CSMD1: variants seen among roughly 807,000 people sequenced by gnomAD.
CSMD1 encodes CUB and Sushi multiple domains 1, also known as CUB and sushi domain-containing protein 1.
CSMD1 carries 213 observed loss-of-function variants against 417.5 expected under a neutral mutation model. That is an observed-to-expected ratio of 0.51 (90% CI 0.46 to 0.57). The LOEUF is 0.57. CSMD1 is among the 20% of genes least tolerant of loss of function. The probability of loss-of-function intolerance (pLI) is 0.00; values close to 1 mark genes in which losing one functional copy is unlikely to be tolerated. For synonymous variants in CSMD1, 2,862 were observed against 1,736.8 expected (o/e 1.65, Z -16.11); for missense variants, 6,923 against 4,529.7 (o/e 1.53, Z -15.17).
intron 52 of CSMD1, among the ~76,000 whole-genome samples, chr8:3,006,094 G>T (rs939933172): frequency 6.6e-6 from 1 of 150,860 alleles, no homozygotes; most frequent in Non-Finnish European, 1.5e-5. Flanking sequence ...CAAAATCAAT[G>T]TGCAAAAATC....
chr8:4,513,058 T>C (rs953303678), intron 2 of CSMD1, among the ~76,000 whole-genome samples: 11 of 152,170 alleles, frequency 7.2e-5, no homozygotes, highest in Admixed American at 5.2e-4. Flanking sequence ...ATCTGTATGA[T>C]ACTATAAGGA....
rs559199064 is a variant in CSMD1, at chr8:3,929,589, A to G, written c.818+68314T>C. Among the ~76,000 whole-genome samples the G allele has an allele frequency of 5.7e-4, 86 of 150,918 alleles. 1 individual carries two copies. The highest frequency in any genetic ancestry group is 5.2e-3 in the Admixed American group (79 of 15,180). Reference sequence around the variant, plus strand: ...ATGATTTCATGTTATAAGATAAAAAATAAATGTGGCTGCATTATTTTGTCT... The same window carrying G: ...ATGATTTCATGTTATAAGATAAAAAGTAAATGTGGCTGCATTATTTTGTCT... On this transcript the variant is annotated intron_variant, in intron 5 of 69. Transcript: ENST00000635120.
At chr8:3,625,618 T>C (rs548758085) in intron 7 of CSMD1, among the ~76,000 whole-genome samples, 1 of 152,290 alleles carries the variant, frequency 6.6e-6, no homozygotes, top group South Asian at 2.1e-4. Context: ...TTTCAGCTTC[T>C]AATGCTATGT....
chr8:4,707,060 C>T (rs17418446), intron 1 of CSMD1, among the ~76,000 whole-genome samples: 4,363 of 152,230 alleles, frequency 0.029, 75 homozygotes, highest in Non-Finnish European at 0.044. Context: ...GTGATCAGAT[C>T]TGAGATTAGG....
chr8:4,723,115 A>G (rs912469726), intron 1 of CSMD1, among the ~76,000 whole-genome samples: 2 of 152,176 alleles, frequency 1.3e-5, no homozygotes, highest in Admixed American at 6.6e-5. Context: ...TCTGACTTGT[A>G]CACCTAACAC....
At chr8:4,580,005 T>G (rs531364139) in intron 2 of CSMD1, among the ~76,000 whole-genome samples, 1 of 152,364 alleles carries the variant, frequency 6.6e-6, no homozygotes, top group East Asian at 1.9e-4. Context: ...ACCATTTCCA[T>G]GTGAACTGTC....
chr8:3,496,181 T>A (rs879106955), intron 10 of CSMD1, among the ~76,000 whole-genome samples: 1 of 152,176 alleles, frequency 6.6e-6, no homozygotes, highest in Non-Finnish European at 1.5e-5. Flanking sequence ...CTCCTGCCAT[T>A]TTTCTTAAGT....
At chr8:4,947,332 CAGTTAAAATGCATAACTAA>C (rs1482874369) in intron 1 of CSMD1, among the ~76,000 whole-genome samples, 1 of 152,096 alleles carries the variant, frequency 6.6e-6, no homozygotes, top group African/African-American at 2.4e-5. Context: ...GTTCTTCTCC[CAGTTAAAATGCATAACTAA>C]CCAAATTCTC....
In CSMD1 at chr8:3,974,694, G is replaced by C. The variant is rs1813310534; in HGVS notation, c.818+23209C>G. ...CAGCTCTTTTTTTTTTTACATAACA[G>C]AATGAAAATTTTATATAAGATGAAG... On this transcript the variant is annotated intron_variant, in intron 5 of 69. Transcript: ENST00000635120. Among the ~76,000 whole-genome samples, 3 of 150,820 alleles carry C rather than the reference G, an allele frequency of 2.0e-5. No individual in the cohort carries two copies. In the South Asian group the frequency reaches 6.3e-4, roughly 32 times the overall value.
chr8:3,830,987 T>A (rs976037735), intron 5 of CSMD1, among the ~76,000 whole-genome samples: 9 of 152,136 alleles, frequency 5.9e-5, no homozygotes, highest in African/African-American at 2.2e-4. Context: ...TGGTCACCTT[T>A]TCCTTCACCA....
chr8:4,986,929 C>T (rs947451490), intron 1 of CSMD1, among the ~76,000 whole-genome samples: 6 of 152,052 alleles, frequency 3.9e-5, no homozygotes, highest in Admixed American at 1.3e-4. Context: ...AGAGAGATGA[C>T]AGATTGATAG....
At chr8:3,561,407 A>G (rs1585370486) in intron 10 of CSMD1, among the ~76,000 whole-genome samples, 1 of 152,236 alleles carries the variant, frequency 6.6e-6, no homozygotes, top group Admixed American at 6.5e-5. Context: ...GGTTGATCAG[A>G]TAAAGAAAAT....
intron 1 of CSMD1, among the ~76,000 whole-genome samples, chr8:4,827,186 T>C (rs1258284019): frequency 2.0e-5 from 3 of 152,172 alleles, no homozygotes; most frequent in Non-Finnish European, 4.4e-5. Context: ...TGCCATGCAA[T>C]ATAACTGAAA....
intron 68 of CSMD1, among the ~76,000 whole-genome samples, chr8:2,943,614 G>C (rs1802034119): frequency 6.6e-6 from 1 of 152,208 alleles, no homozygotes; most frequent in Non-Finnish European, 1.5e-5. Context: ...CAGGACTATG[G>C]AGTGTCTCAT....
At chr8:3,709,126 C>A (rs531102833) in intron 6 of CSMD1, among the ~76,000 whole-genome samples, 18 of 149,718 alleles carry the variant, frequency 1.2e-4, no homozygotes, top group African/African-American at 2.7e-4. Context: ...TGTACTACGG[C>A]CTGCATTAAA....
intron 2 of CSMD1, among the ~76,000 whole-genome samples, chr8:4,605,331 G>A (rs1001396713): frequency 3.9e-5 from 6 of 152,152 alleles, no homozygotes; most frequent in African/African-American, 9.7e-5. Context: ...TTGAAGCAAT[G>A]AACCCAAAAT....
intron 5 of CSMD1, among the ~76,000 whole-genome samples, chr8:3,785,484 A>G (rs570711065): frequency 9.8e-5 from 15 of 152,312 alleles, no homozygotes; most frequent in Non-Finnish European, 1.9e-4. Flanking sequence ...CTTGTACTCT[A>G]GTGTTGGAAA....
chr8:3,311,863 G>T (rs949675507), intron 23 of CSMD1, among the ~76,000 whole-genome samples: 1 of 152,120 alleles, frequency 6.6e-6, no homozygotes, highest in Non-Finnish European at 1.5e-5. Flanking sequence ...TGTTTCAGTA[G>T]TTTATAGCCA....
chr8:4,410,964 G>C (rs549725053), intron 3 of CSMD1, among the ~76,000 whole-genome samples: 2 of 152,126 alleles, frequency 1.3e-5, no homozygotes, highest in South Asian at 2.1e-4. Flanking sequence ...GTTAGTTATT[G>C]AAACAGTGGA....
Sources: gnomAD v4.1 joint callset for allele counts (sites outside exome capture counted in the v4.1 genomes callset) on GRCh38, gnomAD v4.1.1 for gene constraint, MANE v1.5 for transcripts, NCBI Gene and HGNC (gene_info 2026-07-23, HGNC 2026-07-21) for gene names.